MCTP1: variants seen among roughly 807,000 people sequenced by gnomAD.
The protein encoded by MCTP1 is multiple C2 and transmembrane domain containing 1.
In MCTP1, 69 loss-of-function variants were observed where a neutral mutation model predicts 120.6. The ratio of observed to expected loss-of-function variants is 0.57; its 90% CI spans 0.47 to 0.70. The LOEUF (loss-of-function observed/expected upper bound fraction) is 0.70, where lower values mean the gene tolerates loss of function less well. MCTP1 is among the 30% of genes least tolerant of loss of function. The probability of loss-of-function intolerance (pLI) is 0.00; values close to 1 mark genes in which losing one functional copy is unlikely to be tolerated. For missense variants in MCTP1, 1,203 were observed against 1,248.8 expected (o/e 0.96, Z 0.55); for synonymous variants, 529 against 493.1 (o/e 1.07, Z -0.96).
chr5:95,283,618 AG>A (rs1191121209), intron 1 of MCTP1, among the ~76,000 whole-genome samples: 1 of 152,266 alleles, frequency 6.6e-6, no homozygotes, highest in Non-Finnish European at 1.5e-5. Flanking sequence ...CTACTCAGAA[AG>A]CTTCTGGTGA....
At chr5:94,798,930 T>C (rs889505944) in intron 18 of MCTP1, 83 bp downstream of exon 18, 2 of 1,465,146 alleles carry the variant, frequency 1.4e-6, no homozygotes, top group Non-Finnish European at 1.8e-6. Context: ...TCCTGGTTTG[T>C]AAAGCCAAAT....
intron 2 of MCTP1, among the ~76,000 whole-genome samples, chr5:95,004,457 G>T (rs1263580648): frequency 1.3e-5 from 2 of 152,134 alleles, no homozygotes; most frequent in African/African-American, 4.8e-5. Flanking sequence ...TACCTCCAAG[G>T]CATTTCAGAC....
At chr5:95,153,877 T>C (rs376216718) in intron 1 of MCTP1, among the ~76,000 whole-genome samples, 9 of 152,180 alleles carry the variant, frequency 5.9e-5, no homozygotes, top group African/African-American at 1.9e-4. Flanking sequence ...AGAGAATGAG[T>C]AATTAGAGGC....
intron 1 of MCTP1, among the ~76,000 whole-genome samples, chr5:95,218,774 G>A (rs577310869): frequency 9.8e-5 from 15 of 152,326 alleles, no homozygotes; most frequent in South Asian, 2.1e-4. Flanking sequence ...TATACGCCTA[G>A]GCTGGATGGT....
intron 1 of MCTP1, among the ~76,000 whole-genome samples, chr5:95,034,169 T>C (rs992884706): frequency 4.0e-5 from 6 of 151,882 alleles, no homozygotes; most frequent in African/African-American, 1.4e-4. Context: ...TATAGATTCA[T>C]CACAATTCCT....
At chr5:95,154,266 A>C (rs928494600) in intron 1 of MCTP1, 1 of 152,190 alleles carries the variant, frequency 6.6e-6, no homozygotes, top group African/African-American at 2.4e-5. Flanking sequence ...TTTCTTATTC[A>C]CAGAAGGCCT....
intron 2 of MCTP1, among the ~76,000 whole-genome samples, chr5:94,974,834 A>G (rs937034492): frequency 6.6e-6 from 1 of 152,164 alleles, no homozygotes; most frequent in Non-Finnish European, 1.5e-5. Context: ...ATTAATTACT[A>G]TCATTAACTG....
chr5:95,014,747 C>T (rs1315619787), intron 2 of MCTP1, among the ~76,000 whole-genome samples: 2 of 152,138 alleles, frequency 1.3e-5, no homozygotes, highest in African/African-American at 4.8e-5. Flanking sequence ...GATAAAGCAA[C>T]AGCAGGGTCT....
intron 1 of MCTP1, among the ~76,000 whole-genome samples, chr5:95,256,790 G>A (rs917090146): frequency 1.3e-5 from 2 of 152,112 alleles, no homozygotes; most frequent in Non-Finnish European, 2.9e-5. Context: ...AAGACGAGGT[G>A]GTAAAGCAGG....
chr5:94,921,441 T>C (rs1266504917), intron 7 of MCTP1, among the ~76,000 whole-genome samples: 1 of 152,232 alleles, frequency 6.6e-6, no homozygotes, highest in East Asian at 1.9e-4. Context: ...CTTGGACACA[T>C]GTATTGATCT....
intron 1 of MCTP1, among the ~76,000 whole-genome samples, chr5:95,110,380 A>G (rs1757366870): frequency 6.6e-6 from 1 of 152,084 alleles, no homozygotes; most frequent in Non-Finnish European, 1.5e-5. Context: ...AAAGGTGGAT[A>G]GGAGGAGACT....
intron 1 of MCTP1, among the ~76,000 whole-genome samples, chr5:95,229,575 CAT>C (rs1754677133): frequency 6.6e-6 from 1 of 151,892 alleles, no homozygotes; most frequent in Non-Finnish European, 1.5e-5. Flanking sequence ...GGTGAAACCC[CAT>C]CTCTACTAAA....
chr5:94,939,821 C>T (rs1430580309), intron 5 of MCTP1, among the ~76,000 whole-genome samples: 1 of 151,914 alleles, frequency 6.6e-6, no homozygotes. Context: ...TATAATATAG[C>T]ATGTCTGAAA....
At chr5:95,246,928 C>T (rs1280928472) in intron 1 of MCTP1, among the ~76,000 whole-genome samples, 1 of 152,130 alleles carries the variant, frequency 6.6e-6, no homozygotes, top group East Asian at 1.9e-4. Flanking sequence ...GGAGGATTCC[C>T]TCTTTTTCTA....
intron 1 of MCTP1, among the ~76,000 whole-genome samples, chr5:95,094,519 A>G (rs1369083466): frequency 6.6e-6 from 1 of 152,212 alleles, no homozygotes; most frequent in African/African-American, 2.4e-5. Context: ...CCCTTTAGGA[A>G]TCTAAGAGAA....
intron 2 of MCTP1, among the ~76,000 whole-genome samples, chr5:94,972,856 G>A (rs1827206388): frequency 6.6e-6 from 1 of 151,990 alleles, no homozygotes; most frequent in Admixed American, 6.6e-5. Flanking sequence ...GGATGAACCA[G>A]CTTTTCCCAT....
At chr5:95,135,376 A>G (rs893910727) in intron 1 of MCTP1, among the ~76,000 whole-genome samples, 1 of 152,230 alleles carries the variant, frequency 6.6e-6, no homozygotes. Flanking sequence ...CCTATAAAAT[A>G]AACAAGTTTT....
chr5:94,856,119 A>G (rs968917880), intron 17 of MCTP1, among the ~76,000 whole-genome samples: 16 of 151,720 alleles, frequency 1.1e-4, no homozygotes, highest in African/African-American at 3.4e-4. Context: ...TGTTTTATAC[A>G]CTAACACTAT....
At chr5:94,756,537 C>A (rs962121080) in intron 19 of MCTP1, among the ~76,000 whole-genome samples, 2 of 152,028 alleles carry the variant, frequency 1.3e-5, no homozygotes, top group African/African-American at 4.8e-5. Flanking sequence ...GGTGAATAGG[C>A]GATAAGAATG....
Sources: allele counts gnomAD v4.1 joint callset (sites outside exome capture counted in the v4.1 genomes callset), GRCh38; gene constraint gnomAD v4.1.1; transcripts MANE v1.5; gene names NCBI Gene and HGNC (gene_info 2026-07-23, HGNC 2026-07-21).